The following DPP10 variants were observed in gnomAD, a reference collection of about 807,000 sequenced individuals.
The protein encoded by DPP10 is inactive dipeptidyl peptidase 10.
DPP10 carries 33 observed loss-of-function variants against 120.9 expected under a neutral mutation model. That is an observed-to-expected ratio of 0.27 (90% CI 0.21 to 0.37). DPP10 has a LOEUF of 0.37. Ranked by LOEUF, DPP10 falls within the 10% of genes least tolerant of loss-of-function variation. The pLI is 1.00. For synonymous variants in DPP10, 337 were observed against 326.1 expected, an observed-to-expected ratio of 1.03 and a Z score of -0.36; for missense variants, 816 against 942.8, an observed-to-expected ratio of 0.87 and a Z score of 1.76.
intron 1 of DPP10, among the ~76,000 whole-genome samples, chr2:114,802,035 T>A (rs1279638221): frequency 1.3e-5 from 2 of 152,226 alleles, no homozygotes; most frequent in African/African-American, 4.8e-5. Context: ...TAATATGGCA[T>A]TAGACATAGA....
At chr2:115,670,033 A>C (rs1435541478) in intron 5 of DPP10, among the ~76,000 whole-genome samples, 1 of 152,110 alleles carries the variant, frequency 6.6e-6, no homozygotes, top group Non-Finnish European at 1.5e-5. Context: ...GTCTGAGGTC[A>C]AGGTTCTGGA....
intron 21 of DPP10, among the ~76,000 whole-genome samples, chr2:115,830,787 T>G (rs1023719397): frequency 6.6e-6 from 1 of 152,032 alleles, no homozygotes; most frequent in African/African-American, 2.4e-5. Context: ...GAGAAGGCAA[T>G]GTAAGGAGAT....
At chr2:114,643,867 T>TGTGTGTG (rs1695898918) in intron 1 of DPP10, among the ~76,000 whole-genome samples, 6 of 149,942 alleles carry the variant, frequency 4.0e-5, no homozygotes, top group South Asian at 4.2e-4. Context: ...TAGTGTGTGT[T>TGTGTGTG]TGTGTGTGTG....
chr2:114,918,103 A>G (rs1052535541), intron 1 of DPP10, among the ~76,000 whole-genome samples: 1 of 152,184 alleles, frequency 6.6e-6, no homozygotes, highest in Non-Finnish European at 1.5e-5. Context: ...CAAATCAACA[A>G]GCAAAAACCA....
intron 1 of DPP10, among the ~76,000 whole-genome samples, chr2:114,688,354 A>AT (rs1699507100): frequency 6.6e-6 from 1 of 151,876 alleles, no homozygotes; most frequent in Admixed American, 6.6e-5. Context: ...ATTCTCTTCT[A>AT]TTTTTTCTAC....
chr2:114,926,397 A>G (rs890884979), intron 1 of DPP10, among the ~76,000 whole-genome samples: 2 of 152,224 alleles, frequency 1.3e-5, no homozygotes, highest in Non-Finnish European at 2.9e-5. Flanking sequence ...TTTGGGGGCT[A>G]GAGTGCTTAT....
intron 1 of DPP10, among the ~76,000 whole-genome samples, chr2:115,216,848 AAT>A (rs1411896614): frequency 6.6e-6 from 1 of 151,934 alleles, no homozygotes; most frequent in African/African-American, 2.4e-5. Context: ...TATATAGACA[AAT>A]ATATGTGTAT....
chr2:115,509,069 T>C (rs1470765928), intron 4 of DPP10, among the ~76,000 whole-genome samples: 1 of 152,060 alleles, frequency 6.6e-6, no homozygotes, highest in Non-Finnish European at 1.5e-5. Flanking sequence ...GAGAATTAAG[T>C]AGTGGCCAGA....
At chr2:114,443,920 C>A (rs1573366950) in intron 1 of DPP10, among the ~76,000 whole-genome samples, 1 of 152,098 alleles carries the variant, frequency 6.6e-6, no homozygotes, top group African/African-American at 2.4e-5. Flanking sequence ...AATGTCTCTT[C>A]TTCATGAATT....
At chr2:115,244,251 G>T (rs1275617147) in intron 1 of DPP10, among the ~76,000 whole-genome samples, 7,410 of 77,132 alleles carry the variant, frequency 0.096, 370 homozygotes, top group African/African-American at 0.18. Context: ...GAGAGAGAGA[G>T]AGAGAGAGAG....
intron 4 of DPP10, among the ~76,000 whole-genome samples, chr2:115,510,748 C>A (rs916636654): frequency 9.9e-5 from 15 of 152,098 alleles, no homozygotes; most frequent in Non-Finnish European, 1.5e-5. Context: ...TAGTGCTACA[C>A]TAACAAGGTT....
chr2:115,144,732 G>A (rs1490878577), intron 1 of DPP10: 1 of 150,788 alleles, frequency 6.6e-6, no homozygotes, highest in African/African-American at 2.4e-5. Flanking sequence ...GAGTTAATGG[G>A]TGCAGCACAC....
At chr2:114,532,296 T>TATATATATATATAC (rs1342125338) in intron 1 of DPP10, among the ~76,000 whole-genome samples, 54 of 74,700 alleles carry the variant, frequency 7.2e-4, no homozygotes, top group African/African-American at 1.6e-3. Context: ...TATATATATA[T>TATATATATATATAC]ACACACACAC....
intron 1 of DPP10, among the ~76,000 whole-genome samples, chr2:114,476,516 A>G (rs941734603): frequency 6.6e-6 from 1 of 152,216 alleles, no homozygotes; most frequent in Non-Finnish European, 1.5e-5. Context: ...CCCAAAAAAG[A>G]AACAAAAAAA....
intron 1 of DPP10, among the ~76,000 whole-genome samples, chr2:115,269,430 T>C (rs2059598323): frequency 6.6e-6 from 1 of 152,184 alleles, no homozygotes; most frequent in Non-Finnish European, 1.5e-5. Flanking sequence ...GCATCTCTAA[T>C]TTAAGGTCTC....
intron 1 of DPP10, among the ~76,000 whole-genome samples, chr2:115,177,634 C>G (rs2053781401): frequency 1.3e-5 from 2 of 152,158 alleles, no homozygotes; most frequent in African/African-American, 2.4e-5. Context: ...TCATTTCTTT[C>G]TTCCAGAGAA....
intron 1 of DPP10, among the ~76,000 whole-genome samples, chr2:115,041,979 T>G (rs1559026727): frequency 6.6e-6 from 1 of 151,306 alleles, no homozygotes; most frequent in African/African-American, 2.4e-5. Flanking sequence ...TACTTCCTTT[T>G]CTCAAATTAA....
intron 1 of DPP10, among the ~76,000 whole-genome samples, chr2:114,465,254 A>C (rs552748030): frequency 3.3e-5 from 5 of 152,316 alleles, no homozygotes; most frequent in African/African-American, 1.2e-4. Context: ...ACACATACGA[A>C]GTGTTTAGCA....
rs57462947 is a variant in DPP10, at chr2:115,207,416, C to CAAAAAAAAAAAA, written c.61-101804_61-101793dup. 6.7e-4 allele frequency among the ~76,000 whole-genome samples: 35 copies of CAAAAAAAAAAAA among 52,300 alleles called. 2 individuals are homozygous for CAAAAAAAAAAAA. Among genetic ancestry groups the CAAAAAAAAAAAA allele is most frequent in the African/African-American group, 2.1e-3 (32 of 15,134 alleles). 34.3% of individuals were successfully genotyped at this position (52,300 alleles called of 152,430 possible). The stretch of plus-strand genomic sequence containing the variant: ...GGTTTTTAAAGAGTGCTTACTGCAC[C>CAAAAAAAAAAAA]AAAAAAAAAAAAAAAAAAAAAAAAA... On this transcript the variant is annotated intron_variant, in intron 1 of 25. Transcript: ENST00000410059.
Sources: gnomAD v4.1 joint callset for allele counts (sites outside exome capture counted in the v4.1 genomes callset) on GRCh38, gnomAD v4.1.1 for gene constraint, MANE v1.5 for transcripts, NCBI Gene and HGNC (gene_info 2026-07-23, HGNC 2026-07-21) for gene names.